LPP: variants seen among roughly 807,000 people sequenced by gnomAD.
LPP encodes the protein LIM domain containing preferred translocation partner in lipoma, also known as lipoma-preferred partner.
In LPP, 38 loss-of-function variants were observed where a neutral mutation model predicts 60.4. That is an observed-to-expected ratio of 0.63 (90% confidence interval 0.49 to 0.83). The LOEUF is 0.83. LPP is among the 40% of genes least tolerant of loss of function. LPP has a pLI of 0.00. For synonymous variants in LPP, 328 were observed against 290.8 expected (o/e 1.13, Z -1.30); for missense variants, 902 against 783.6 (o/e 1.15, Z -1.80).
intron 7 of LPP, among the ~76,000 whole-genome samples, chr3:188,611,577 G>C (rs1448897185): frequency 6.6e-6 from 1 of 152,202 alleles, no homozygotes; most frequent in Non-Finnish European, 1.5e-5. Context: ...CTGCTGTCAA[G>C]GTTTAAGTTC....
chr3:188,547,455 T>C (rs1826952586), intron 6 of LPP, among the ~76,000 whole-genome samples: 1 of 152,174 alleles, frequency 6.6e-6, no homozygotes, highest in Non-Finnish European at 1.5e-5. Flanking sequence ...TTACTTAGGC[T>C]CTCCAAGGTC....
intron 4 of LPP, among the ~76,000 whole-genome samples, chr3:188,416,878 A>G (rs1233556861): frequency 6.6e-6 from 1 of 152,158 alleles, no homozygotes; most frequent in Non-Finnish European, 1.5e-5. Context: ...GGGTCACAGT[A>G]GGCCTATGTA....
chr3:188,691,856 G>A (rs1261168834), intron 7 of LPP, among the ~76,000 whole-genome samples: 8 of 152,168 alleles, frequency 5.3e-5, no homozygotes. Context: ...TTTCAGTCTG[G>A]CTTTTATGCT....
At chr3:188,824,110 G>C (rs1277459863) in intron 9 of LPP, among the ~76,000 whole-genome samples, 1 of 152,132 alleles carries the variant, frequency 6.6e-6, no homozygotes, top group Non-Finnish European at 1.5e-5. Flanking sequence ...TGTAATTCTG[G>C]CTCTACTGTA....
At chr3:188,616,914 T>C (rs757181792) in intron 7 of LPP, among the ~76,000 whole-genome samples, 37 of 152,202 alleles carry the variant, frequency 2.4e-4, no homozygotes, top group Admixed American at 8.5e-4. Flanking sequence ...TAGCAATAGA[T>C]TTTTATATAC....
intron 2 of LPP, among the ~76,000 whole-genome samples, chr3:188,272,362 TA>T (rs1738053006): frequency 6.6e-6 from 1 of 152,232 alleles, no homozygotes; most frequent in Non-Finnish European, 1.5e-5. Flanking sequence ...TTATCTTCTT[TA>T]ACGGCAAACA....
chr3:188,643,077 A>G (rs1850468479), intron 7 of LPP, among the ~76,000 whole-genome samples: 1 of 152,186 alleles, frequency 6.6e-6, no homozygotes, highest in African/African-American at 2.4e-5. Flanking sequence ...ACTAGGAATG[A>G]ATGAGAGGAA....
At chr3:188,802,949 A>G (rs1039754448) in intron 9 of LPP, among the ~76,000 whole-genome samples, 5 of 152,068 alleles carry the variant, frequency 3.3e-5, no homozygotes, top group Non-Finnish European at 1.5e-5. Context: ...TCTTCATGAC[A>G]ACCTGGTTGT....
At chr3:188,379,078 A>G (rs968463761) in intron 3 of LPP, among the ~76,000 whole-genome samples, 1 of 150,230 alleles carries the variant, frequency 6.7e-6, no homozygotes, top group African/African-American at 2.4e-5. Flanking sequence ...CAAGATAAGG[A>G]CCATTTTCTT....
chr3:188,488,397 G>T (rs1036813122), intron 5 of LPP, among the ~76,000 whole-genome samples: 1 of 66,646 alleles, frequency 1.5e-5, no homozygotes, highest in Non-Finnish European at 5.1e-5. Context: ...TTGGAAAACA[G>T]GGGAAGGATT....
At chr3:188,868,010 A>G (rs544480391) in intron 10 of LPP, among the ~76,000 whole-genome samples, 1 of 152,352 alleles carries the variant, frequency 6.6e-6, no homozygotes, top group African/African-American at 2.4e-5. Flanking sequence ...AAAATCCCAG[A>G]GGCGGAAATT....
intron 9 of LPP, among the ~76,000 whole-genome samples, chr3:188,765,532 G>A (rs575201379): frequency 6.6e-5 from 10 of 152,206 alleles, no homozygotes; most frequent in Admixed American, 2.0e-4. Context: ...GTTGCATGCT[G>A]TCATACCTAG....
intron 1 of LPP, among the ~76,000 whole-genome samples, chr3:188,214,432 C>G (rs191418293): frequency 4.6e-5 from 7 of 152,008 alleles, no homozygotes; most frequent in African/African-American, 1.7e-4. Flanking sequence ...CACCTGGCCT[C>G]GGATCAACTT....
At chr3:188,248,547 C>T (rs1254609875) in intron 2 of LPP, among the ~76,000 whole-genome samples, 1 of 140,942 alleles carries the variant, frequency 7.1e-6, no homozygotes, top group Non-Finnish European at 1.5e-5. Context: ...GTTTTGCTGC[C>T]TTCCCAGATA....
intron 1 of LPP, among the ~76,000 whole-genome samples, chr3:188,156,926 G>A (rs114773935): frequency 1.7e-3 from 252 of 151,192 alleles, no homozygotes; most frequent in African/African-American, 5.9e-3. Context: ...TACCTATTAC[G>A]TACCATTGGC....
chr3:188,417,206 C>T (rs1578738719), intron 4 of LPP, among the ~76,000 whole-genome samples: 2 of 151,910 alleles, frequency 1.3e-5, no homozygotes, highest in Non-Finnish European at 2.9e-5. Flanking sequence ...TCGCTGTCTT[C>T]AAACAGAATA....
intron 9 of LPP, among the ~76,000 whole-genome samples, chr3:188,816,266 A>C (rs188035807): frequency 4.0e-4 from 56 of 140,496 alleles, no homozygotes; most frequent in African/African-American, 1.4e-3. Context: ...CGGTGGCACG[A>C]TCTTGGCTCA....
intron 7 of LPP, among the ~76,000 whole-genome samples, chr3:188,633,039 C>A (rs534350345): frequency 5.9e-5 from 9 of 152,278 alleles, no homozygotes; most frequent in Non-Finnish European, 1.2e-4. Context: ...CCAGCCATCA[C>A]CCAGTGTGAC....
At chr3:188,549,432 A>C (rs959857730) in intron 6 of LPP, among the ~76,000 whole-genome samples, 1 of 152,266 alleles carries the variant, frequency 6.6e-6, no homozygotes, top group African/African-American at 2.4e-5. Context: ...GTCTGGTGCC[A>C]TTGAGCCACT....
Sources: gnomAD v4.1 joint callset for allele counts (sites outside exome capture counted in the v4.1 genomes callset) on GRCh38, gnomAD v4.1.1 for gene constraint, MANE v1.5 for transcripts, NCBI Gene and HGNC (gene_info 2026-07-23, HGNC 2026-07-21) for gene names.